NR1H4: variants seen among roughly 807,000 people sequenced by gnomAD.
NR1H4 encodes the protein bile acid receptor.
In NR1H4, 23 loss-of-function variants were observed where a neutral mutation model predicts 58.5. The observed-to-expected ratio is 0.39, with a 90% CI of 0.28 to 0.56. The LOEUF (loss-of-function observed/expected upper bound fraction) is 0.56. Ranked by LOEUF, NR1H4 falls within the 20% of genes least tolerant of loss-of-function variation. NR1H4 has a pLI of 0.58. For synonymous variants in NR1H4, 214 were observed against 198.0 expected, an observed-to-expected ratio of 1.08 and a Z score of -0.68; for missense variants, 487 against 576.9, an observed-to-expected ratio of 0.84 and a Z score of 1.60.
intron 9 of NR1H4, among the ~76,000 whole-genome samples, chr12:100,550,942 T>A (rs1346842881): frequency 6.6e-6 from 1 of 152,196 alleles, no homozygotes; most frequent in African/African-American, 2.4e-5. Context: ...TTATAAAATA[T>A]CCTATTTTAT....
At chr12:100,483,315 TTGATCATAGATATGATCC>T (rs1953421161) in intron 1 of NR1H4, among the ~76,000 whole-genome samples, 3 of 152,370 alleles carry the variant, frequency 2.0e-5, no homozygotes, top group Non-Finnish European at 2.9e-5. Context: ...TCAGTATAAG[TTGATCATAGATATGATCC>T]AGAGAATGCT....
At chr12:100,503,858 T>C (rs1953894614) in intron 3 of NR1H4, among the ~76,000 whole-genome samples, 1 of 152,162 alleles carries the variant, frequency 6.6e-6, no homozygotes, top group Non-Finnish European at 1.5e-5. Flanking sequence ...ATGGCAAGTC[T>C]CAGTTCCCAG....
chr12:100,531,448 C>T (rs557603794), intron 4 of NR1H4, among the ~76,000 whole-genome samples: 1 of 152,292 alleles, frequency 6.6e-6, no homozygotes, highest in East Asian at 1.9e-4. Context: ...GAACAAGACT[C>T]TGTCTCAAAA....
intron 8 of NR1H4, among the ~76,000 whole-genome samples, chr12:100,538,585 G>A (rs763298186): frequency 1.3e-5 from 2 of 152,162 alleles, no homozygotes; most frequent in Non-Finnish European, 2.9e-5. Context: ...ATGGGTTTTA[G>A]TTGTTTCAGT....
intron 3 of NR1H4, 108 bp from the exon 4 acceptor site, chr12:100,510,670 T>A (rs1593071038): frequency 1.1e-6 from 1 of 884,942 alleles, no homozygotes; most frequent in South Asian, 1.4e-5. Flanking sequence ...TGTAGTTAAA[T>A]GTTTCAATCT....
At chr12:100,482,110 C>G (rs1466354839) in intron 1 of NR1H4, among the ~76,000 whole-genome samples, 5 of 151,892 alleles carry the variant, frequency 3.3e-5, no homozygotes, top group African/African-American at 1.2e-4. Context: ...TCAAAACAAA[C>G]AAACAAACAA....
rs1345286316 is a variant in NR1H4 at position 100,536,960 on chromosome 12, T to C, written c.844T>C (p.Phe282Leu). The C allele has an allele frequency of 1.7e-5, 27 of 1,580,750 alleles. No homozygotes were observed. Among genetic ancestry groups the C allele is most frequent in the Non-Finnish European group, 2.2e-5 (26 of 1,159,162 alleles). Residue 282 changes from phenylalanine (F) to leucine (L), a missense_variant, in exon 8 of 11, where the codon TTC becomes CTC. Phe to Leu is a conservative substitution (Grantham distance 22). Transcript: ENST00000392986. ...EITNKILKEE[F>L]SAEENFLILT... The stretch of plus-strand genomic sequence containing the variant: ...TCTTAAAATTTAGTTAAAAGAAGAA[T>C]TCAGTGCAGAAGAAAATTTTCTCAT...
At chr12:100,524,781 C>A (rs1954514864) in intron 4 of NR1H4, among the ~76,000 whole-genome samples, 2 of 152,126 alleles carry the variant, frequency 1.3e-5, no homozygotes, top group African/African-American at 4.8e-5. Context: ...TTTATTGTTT[C>A]TTTCTTTGTT....
chr12:100,548,370 T>TAAAAAA (rs11304340), intron 9 of NR1H4, among the ~76,000 whole-genome samples: 1 of 137,592 alleles, frequency 7.3e-6, no homozygotes, highest in Non-Finnish European at 1.6e-5. Flanking sequence ...CCATCTCAAT[T>TAAAAAA]AAAAAAAAAA....
chr12:100,551,824 T>C (rs1418532211), intron 9 of NR1H4, among the ~76,000 whole-genome samples: 1 of 152,222 alleles, frequency 6.6e-6, no homozygotes, highest in African/African-American at 2.4e-5. Flanking sequence ...GTCCCTGATA[T>C]AAAATACAAC....
chr12:100,547,295 C>T (rs1219716600), intron 9 of NR1H4, among the ~76,000 whole-genome samples: 2 of 152,224 alleles, frequency 1.3e-5, no homozygotes, highest in Non-Finnish European at 2.9e-5. Context: ...TCACAAGAAA[C>T]AAAGCTGGAG....
intron 4 of NR1H4, among the ~76,000 whole-genome samples, chr12:100,516,543 T>G (rs889365913): frequency 2.6e-5 from 4 of 152,084 alleles, no homozygotes; most frequent in Non-Finnish European, 5.9e-5. Flanking sequence ...ATTTTTTGTA[T>G]TTTTAGTAGA....
At position 100,563,525 on chromosome 12, in the gene NR1H4, T is replaced by C; in HGVS notation, c.*36T>C. The C allele has an allele frequency of 1.4e-6, 2 of 1,466,518 alleles. No individual in the cohort carries two copies. The highest frequency in any genetic ancestry group is 1.9e-6 in the Non-Finnish European group (2 of 1,045,398). The allele number at this position is 1,466,518 out of a possible 1,614,324, so 90.8% of individuals were successfully genotyped here. On this transcript the variant is annotated 3_prime_UTR_variant, in exon 11 of 11. Coordinates refer to ENST00000392986, the MANE Select transcript of NR1H4 (RefSeq NM_001206979.2). ...AGGGGAGGGGTCTAGCTCCTTTTTCTCTCTCATATTAATCTGATGTATAAC... is the reference window on the plus strand; with the variant it reads ...AGGGGAGGGGTCTAGCTCCTTTTTCCCTCTCATATTAATCTGATGTATAAC...
chr12:100,552,355 G>A (rs1439771389), intron 9 of NR1H4, among the ~76,000 whole-genome samples: 1 of 152,060 alleles, frequency 6.6e-6, no homozygotes, highest in Non-Finnish European at 1.5e-5. Flanking sequence ...TTGCTAGTTT[G>A]ATGGCAGCTG....
rs12309085 is a variant in NR1H4 at position 100,510,711 on chromosome 12, G to A, written c.80-67G>A. ...TAGAGCCCACACTCCTAACCATTACGCCAAACTGCCTCTCTAATTTCCAGA... is the reference window on the plus strand; with the variant it reads ...TAGAGCCCACACTCCTAACCATTACACCAAACTGCCTCTCTAATTTCCAGA... On this transcript the variant is annotated intron_variant, in intron 3 of 10. Transcript: ENST00000392986. 11,769 of 1,586,674 alleles carry A rather than the reference G, an allele frequency of 7.4e-3. 486 individuals are homozygous for A. The African/African-American group carries it at 0.11, about 15-fold the overall frequency.
intron 2 of NR1H4, among the ~76,000 whole-genome samples, 198 bp downstream of exon 2, chr12:100,492,835 G>T (rs1299520262): frequency 6.6e-6 from 1 of 152,028 alleles, no homozygotes; most frequent in East Asian, 1.9e-4. Flanking sequence ...GTAGGAAGTG[G>T]CTTTAAATCA....
At chr12:100,525,310 G>T (rs1310727256) in intron 4 of NR1H4, 1 of 152,150 alleles carries the variant, frequency 6.6e-6, no homozygotes, top group Non-Finnish European at 1.5e-5. Context: ...CTGGTTGATG[G>T]TCGTGATGAG....
At chr12:100,505,728 T>G (rs1206538583) in intron 3 of NR1H4, 2 of 624,194 alleles carry the variant, frequency 3.2e-6, no homozygotes, top group African/African-American at 3.7e-5. Context: ...AATTTTAATA[T>G]GTATTTTCCC....
intron 3 of NR1H4, among the ~76,000 whole-genome samples, chr12:100,501,938 A>G (rs117353786): frequency 1.3e-3 from 196 of 152,258 alleles, no homozygotes; most frequent in Non-Finnish European, 2.2e-3. Context: ...CCTCATTTCT[A>G]AAAAACAACC....
Sources: allele counts gnomAD v4.1 joint callset (sites outside exome capture counted in the v4.1 genomes callset), GRCh38; gene constraint gnomAD v4.1.1; transcripts MANE v1.5; gene names NCBI Gene and HGNC (gene_info 2026-07-23, HGNC 2026-07-21).